Variants in ADK observed in about 807,000 individuals in gnomAD.
The protein encoded by ADK is adenosine kinase, also known as N6,N6-dimethyladenosine kinase.
A neutral mutation model predicts 44.7 loss-of-function variants in ADK; 24 were observed. The observed-to-expected ratio is 0.54, with a 90% confidence interval of 0.39 to 0.76. The LOEUF (loss-of-function observed/expected upper bound fraction) is 0.76, where lower values mean the gene tolerates loss of function less well. ADK is among the 30% of genes least tolerant of loss of function. The pLI, the probability that ADK is intolerant of heterozygous loss-of-function variation, is 0.00. For synonymous variants in ADK, 128 were observed against 142.6 expected (o/e 0.90, Z 0.73); for missense variants, 321 against 425.1 (o/e 0.76, Z 2.15).
intron 3 of ADK, among the ~76,000 whole-genome samples, chr10:74,272,305 T>C (rs1488801044): frequency 6.6e-6 from 1 of 151,846 alleles, no homozygotes; most frequent in Non-Finnish European, 1.5e-5. Context: ...TGAGACAGGG[T>C]CTCACTCTGT....
At chr10:74,173,573 G>A (rs1440203860) in intron 1 of ADK, among the ~76,000 whole-genome samples, 1 of 151,818 alleles carries the variant, frequency 6.6e-6, no homozygotes, top group African/African-American at 2.4e-5. Flanking sequence ...TGGGACTATA[G>A]GTGTGTGCCA....
chr10:74,226,946 C>T (rs1844565590), intron 3 of ADK, among the ~76,000 whole-genome samples: 1 of 152,010 alleles, frequency 6.6e-6, no homozygotes, highest in Non-Finnish European at 1.5e-5. Flanking sequence ...TTGAATATGG[C>T]ACCATAAAAG....
At chr10:74,317,687 G>A (rs1486665364) in intron 4 of ADK, among the ~76,000 whole-genome samples, 3 of 152,078 alleles carry the variant, frequency 2.0e-5, no homozygotes, top group Non-Finnish European at 2.9e-5. Flanking sequence ...TGGGACCAAA[G>A]GAATGCCCAT....
intron 6 of ADK, among the ~76,000 whole-genome samples, chr10:74,521,695 A>G (rs1320359342): frequency 6.6e-6 from 1 of 152,224 alleles, no homozygotes; most frequent in Non-Finnish European, 1.5e-5. Context: ...CAGTACATCC[A>G]TATTACTATG....
intron 4 of ADK, among the ~76,000 whole-genome samples, chr10:74,383,514 G>A (rs747096180): frequency 1.3e-5 from 2 of 152,066 alleles, no homozygotes; most frequent in African/African-American, 4.8e-5. Flanking sequence ...ATTTGTAGTT[G>A]TGAGGGAGGA....
intron 9 of ADK, among the ~76,000 whole-genome samples, chr10:74,608,027 A>G (rs187314227): frequency 9.0e-4 from 135 of 150,800 alleles, no homozygotes; most frequent in Non-Finnish European, 1.5e-3. Flanking sequence ...CAATTTGGTT[A>G]TTATATTTGT....
In ADK at chr10:74,372,067, C is replaced by T. The variant is rs1842678068; in HGVS notation, c.274-22074C>T. On this transcript the variant is annotated intron_variant, in intron 4 of 10. Transcript: ENST00000539909. ...TCAATGGGTTTGATGTGGTGGATGC[C>T]AGCCCGGGAAGGTTTGCGCGCGTGT... is the stretch of plus-strand genomic sequence containing the variant. 5 of 758,282 alleles carry T rather than the reference C, an allele frequency of 6.6e-6. No individual in the cohort carries two copies. The Admixed American group carries it at 8.6e-5, about 13-fold the overall frequency. 47.0% of individuals were successfully genotyped at this position (758,282 alleles called of 1,614,324 possible).
chr10:74,589,221 G>A lies in ADK; in HGVS notation c.727-61G>A, dbSNP rs1460220974. ...GAAGACTGAATGAGTTTCAAAAAAT[G>A]GATTATTTCTTCATTACCGAGCACT... On this transcript the variant is annotated intron_variant, in intron 7 of 10. Transcript: ENST00000539909. 15 of 1,492,892 alleles carry A rather than the reference G, an allele frequency of 1.0e-5. No homozygotes were observed. In the Admixed American group the frequency reaches 2.5e-4, roughly 25 times the overall value. 92.5% of individuals were successfully genotyped at this position (1,492,892 alleles called of 1,614,324 possible). A position where few individuals can be genotyped will look rare whatever the true frequency, so the allele number is the denominator to read the frequency against.
At chr10:74,227,976 C>A (rs1844609367) in intron 3 of ADK, among the ~76,000 whole-genome samples, 1 of 152,204 alleles carries the variant, frequency 6.6e-6, no homozygotes, top group African/African-American at 2.4e-5. Context: ...TTCCACTGAG[C>A]TCTGGACTGG....
intron 9 of ADK, among the ~76,000 whole-genome samples, chr10:74,616,346 C>G (rs1305635730): frequency 6.6e-6 from 1 of 151,902 alleles, no homozygotes; most frequent in African/African-American, 2.4e-5. Context: ...AACTTCTATT[C>G]TTTTACTTTT....
At chr10:74,217,244 C>T (rs191727482) in intron 2 of ADK, among the ~76,000 whole-genome samples, 1 of 152,238 alleles carries the variant, frequency 6.6e-6, no homozygotes, top group Non-Finnish European at 1.5e-5. Flanking sequence ...GAGGGTCCTA[C>T]GCCCACGGAG....
At chr10:74,198,282 T>A (rs1252348073) in intron 1 of ADK, among the ~76,000 whole-genome samples, 1 of 152,226 alleles carries the variant, frequency 6.6e-6, no homozygotes, top group African/African-American at 2.4e-5. Flanking sequence ...AGACTTGCTT[T>A]GATCACATAT....
At chr10:74,244,588 A>C (rs1189144777) in intron 3 of ADK, among the ~76,000 whole-genome samples, 1 of 152,192 alleles carries the variant, frequency 6.6e-6, no homozygotes, top group African/African-American at 2.4e-5. Flanking sequence ...ATGCATGAAA[A>C]ATGAAATTAT....
At chr10:74,406,517 TAATAATAATAAGAAGAAG>T (rs1201312784) in intron 6 of ADK, among the ~76,000 whole-genome samples, 48 of 52,242 alleles carry the variant, frequency 9.2e-4, no homozygotes, top group African/African-American at 2.5e-3. Context: ...ATAATAATAA[TAATAATAATAAGAAGAAG>T]AAGAAGAAGA....
intron 10 of ADK, among the ~76,000 whole-genome samples, chr10:74,695,630 G>T (rs1856166518): frequency 6.7e-6 from 1 of 149,916 alleles, no homozygotes; most frequent in Admixed American, 6.7e-5. Flanking sequence ...GTGTGTGTGT[G>T]TGTGTGTGTG....
At chr10:74,657,510 C>T (rs1356453194) in intron 9 of ADK, among the ~76,000 whole-genome samples, 2 of 152,108 alleles carry the variant, frequency 1.3e-5, no homozygotes, top group African/African-American at 2.4e-5. Context: ...TATTTGCTTC[C>T]GTGGTTTACT....
chr10:74,605,733 CT>C lies in ADK; in HGVS notation c.877+5241del, dbSNP rs562964209. ...TTTTTGTTGTCTCTGCCAGGTTTTG[CT>C]GTCAGGATGATGCTGGCCTCATAAA... On this transcript the variant is annotated intron_variant, in intron 9 of 10. Coordinates refer to ENST00000539909, the MANE Select transcript of ADK (RefSeq NM_006721.4). Among the ~76,000 whole-genome samples, 341 of 152,182 alleles carry C rather than the reference CT, an allele frequency of 2.2e-3. 1 individual carries two copies. The highest frequency in any genetic ancestry group is 7.8e-3 in the African/African-American group (322 of 41,538).
At chr10:74,306,890 C>T (rs1329628007) in intron 3 of ADK, among the ~76,000 whole-genome samples, 1 of 152,172 alleles carries the variant, frequency 6.6e-6, no homozygotes, top group Non-Finnish European at 1.5e-5. Context: ...TAATTTCTTT[C>T]TGCCTTCAAA....
At chr10:74,484,692 A>G (rs1305402047) in intron 6 of ADK, among the ~76,000 whole-genome samples, 1 of 152,192 alleles carries the variant, frequency 6.6e-6, no homozygotes, top group East Asian at 1.9e-4. Flanking sequence ...ATATCTGAAC[A>G]TTCTGTGATT....
Sources: allele counts gnomAD v4.1 joint callset (sites outside exome capture counted in the v4.1 genomes callset), GRCh38; gene constraint gnomAD v4.1.1; transcripts MANE v1.5; gene names NCBI Gene and HGNC (gene_info 2026-07-23, HGNC 2026-07-21).